Variants in CPNE4 observed in about 807,000 individuals in gnomAD.
CPNE4 encodes the protein copine-4.
Under a neutral mutation model 67.9 loss-of-function variants are expected in CPNE4, and 25 were observed. The observed-to-expected ratio is 0.37, with a 90% confidence interval of 0.27 to 0.51. CPNE4 has a LOEUF of 0.51. Among genes scored for constraint, CPNE4 ranks in the 20% least tolerant of loss-of-function variants. The probability of loss-of-function intolerance (pLI) is 0.93; values close to 1 mark genes in which losing one functional copy is unlikely to be tolerated. For synonymous variants in CPNE4, 242 were observed against 244.9 expected (o/e 0.99, Z 0.11); for missense variants, 464 against 690.8 (o/e 0.67, Z 3.68).
intron 1 of CPNE4, among the ~76,000 whole-genome samples, chr3:131,981,635 A>G (rs1378058286): frequency 6.6e-6 from 1 of 152,106 alleles, no homozygotes; most frequent in Admixed American, 6.5e-5. Flanking sequence ...TCAAATTGTT[A>G]CAAAGTTGAG....
intron 10 of CPNE4, among the ~76,000 whole-genome samples, chr3:131,572,398 G>C (rs545568659): frequency 9.9e-5 from 15 of 152,180 alleles, no homozygotes; most frequent in Admixed American, 9.8e-4. Flanking sequence ...GTGACCTTCT[G>C]TCAGGAAGAA....
intron 2 of CPNE4, among the ~76,000 whole-genome samples, chr3:131,882,657 A>G (rs965120638): frequency 1.3e-4 from 20 of 152,114 alleles, no homozygotes; most frequent in Admixed American, 9.8e-4. Flanking sequence ...CAACTCTACA[A>G]TGTAAGTACT....
chr3:131,573,612 G>C (rs1937442492), intron 10 of CPNE4, among the ~76,000 whole-genome samples: 1 of 152,082 alleles, frequency 6.6e-6, no homozygotes, highest in Admixed American at 6.6e-5. Flanking sequence ...GCTTTCCCTT[G>C]AAAAGCTATA....
chr3:131,760,028 C>T (rs1326869721), intron 2 of CPNE4, among the ~76,000 whole-genome samples: 1 of 152,118 alleles, frequency 6.6e-6, no homozygotes, highest in Non-Finnish European at 1.5e-5. Flanking sequence ...AAATTCTTTG[C>T]CATTGTGACC....
chr3:131,972,890 G>A (rs954349322), intron 1 of CPNE4, among the ~76,000 whole-genome samples: 13 of 152,232 alleles, frequency 8.5e-5, no homozygotes, highest in Admixed American at 3.3e-4. Context: ...GTCTCAAAGC[G>A]TGGCAACAAA....
At chr3:131,607,184 C>T (rs1939560900) in intron 7 of CPNE4, among the ~76,000 whole-genome samples, 1 of 151,454 alleles carries the variant, frequency 6.6e-6, no homozygotes, top group African/African-American at 2.4e-5. Flanking sequence ...TTCTTTGAGT[C>T]AGCCAGGAAG....
At chr3:131,785,662 T>C (rs554122753) in intron 2 of CPNE4, among the ~76,000 whole-genome samples, 45 of 97,938 alleles carry the variant, frequency 4.6e-4, no homozygotes, top group African/African-American at 1.7e-3. Flanking sequence ...TCTCTCTCTC[T>C]TTCTCTCTTT....
chr3:131,887,738 A>G (rs924825883), intron 2 of CPNE4, among the ~76,000 whole-genome samples: 4 of 152,174 alleles, frequency 2.6e-5, no homozygotes, highest in African/African-American at 7.2e-5. Context: ...AAACTCCCTC[A>G]ATAAGAATTG....
At chr3:131,702,322 T>C (rs2081320934) in intron 3 of CPNE4, among the ~76,000 whole-genome samples, 2 of 152,294 alleles carry the variant, frequency 1.3e-5, no homozygotes, top group Admixed American at 6.5e-5. Context: ...TATGCTAGAC[T>C]TGGTGGTAGG....
chr3:131,654,376 T>G (rs1478784115), intron 7 of CPNE4, among the ~76,000 whole-genome samples: 2 of 152,118 alleles, frequency 1.3e-5, no homozygotes, highest in African/African-American at 4.8e-5. Context: ...CCAAATTTTT[T>G]TTTAATTTTT....
At chr3:131,900,030 G>A (rs2107762935) in intron 2 of CPNE4, among the ~76,000 whole-genome samples, 1 of 152,180 alleles carries the variant, frequency 6.6e-6, no homozygotes, top group East Asian at 1.9e-4. Context: ...GTCATATGGT[G>A]ACCAAACCCT....
intron 1 of CPNE4, among the ~76,000 whole-genome samples, chr3:132,031,491 G>A (rs1434722540): frequency 6.6e-6 from 1 of 152,124 alleles, no homozygotes; most frequent in African/African-American, 2.4e-5. Context: ...CTAGTGTAGA[G>A]ACTTTTACCC....
chr3:131,652,996 T>C (rs1006167774), intron 7 of CPNE4, among the ~76,000 whole-genome samples: 4 of 152,218 alleles, frequency 2.6e-5, no homozygotes, highest in East Asian at 1.9e-4. Context: ...GATTTTAAGG[T>C]ATGGTACCAT....
chr3:131,728,749 C>T (rs2082058717), intron 2 of CPNE4, among the ~76,000 whole-genome samples: 1 of 144,260 alleles, frequency 6.9e-6, no homozygotes, highest in South Asian at 2.2e-4. Context: ...TCTCTACTTA[C>T]AAAAAAAAAA....
chr3:131,648,607 A>C (rs1352116441), intron 7 of CPNE4, among the ~76,000 whole-genome samples: 1 of 152,232 alleles, frequency 6.6e-6, no homozygotes, highest in Non-Finnish European at 1.5e-5. Context: ...TTCAGCAATT[A>C]CTTATAATTG....
At chr3:131,805,394 G>T (rs58223709) in intron 2 of CPNE4, among the ~76,000 whole-genome samples, 2,754 of 152,244 alleles carry the variant, frequency 0.018, 77 homozygotes, top group East Asian at 0.097. Flanking sequence ...TTGACACTTC[G>T]AATTCAGGGT....
chr3:131,663,370 G>C (rs892165394), intron 7 of CPNE4, among the ~76,000 whole-genome samples: 1 of 151,996 alleles, frequency 6.6e-6, no homozygotes, highest in African/African-American at 2.4e-5. Flanking sequence ...ATGTGGGACT[G>C]AAAACCCAGA....
At chr3:131,676,028 C>CTTATTATTA (rs2080551423) in intron 6 of CPNE4, among the ~76,000 whole-genome samples, 3 of 86,534 alleles carry the variant, frequency 3.5e-5, no homozygotes, top group Non-Finnish European at 7.7e-5. Flanking sequence ...TATGTTATAA[C>CTTATTATTA]CTATTATTAT....
At chr3:131,630,853 G>A (rs1473574148) in intron 7 of CPNE4, among the ~76,000 whole-genome samples, 1 of 152,190 alleles carries the variant, frequency 6.6e-6, no homozygotes, top group African/African-American at 2.4e-5. Context: ...TAGAGATAGG[G>A]AGATAAAAAC....
Sources: gnomAD v4.1 joint callset for allele counts (sites outside exome capture counted in the v4.1 genomes callset) on GRCh38, gnomAD v4.1.1 for gene constraint, MANE v1.5 for transcripts, NCBI Gene and HGNC (gene_info 2026-07-23, HGNC 2026-07-21) for gene names.